FABP12: variants seen among roughly 807,000 people sequenced by gnomAD.
The protein encoded by FABP12 is fatty acid-binding protein 12.
FABP12 carries 19 observed loss-of-function variants against 13.7 expected under a neutral mutation model. The ratio of observed to expected loss-of-function variants is 1.39; its 90% CI spans 0.97 to 2.04. FABP12 has a LOEUF of 2.04. Among genes scored for constraint, FABP12 ranks in the 30% most tolerant of loss-of-function variants. The probability of loss-of-function intolerance (pLI) is 0.00; values close to 1 mark genes in which losing one functional copy is unlikely to be tolerated. For missense variants in FABP12, 182 were observed against 164.2 expected (o/e 1.11, Z -0.59); for synonymous variants, 61 against 57.0 (o/e 1.07, Z -0.32).
At chr8:81,542,700 A>G (rs1456434971) in intron 1 of FABP12, among the ~76,000 whole-genome samples, 1 of 152,182 alleles carries the variant, frequency 6.6e-6, no homozygotes, top group Non-Finnish European at 1.5e-5. Flanking sequence ...CCATTGGGTC[A>G]CTAATCCATA....
rs1808991482 is a variant in FABP12 at position 81,529,253 on chromosome 8, G to A, written c.246+185C>T. ...TTTTCAGGGCCTCTGGCAGTGAGCA[G>A]GAGGCATTTTTCACAAGCATCCCAG... On this transcript the variant is annotated intron_variant, in intron 3 of 4. Transcript: ENST00000360464. The A allele has an allele frequency of 9.4e-6, 6 of 640,764 alleles. No homozygotes were observed. The Admixed American group carries it at 1.7e-4, about 18-fold the overall frequency. The allele number at this position is 640,764 out of a possible 1,614,324, so 39.7% of individuals were successfully genotyped here.
At chr8:81,569,334 C>T (rs1350330023) in intron 1 of FABP12, among the ~76,000 whole-genome samples, 1 of 152,100 alleles carries the variant, frequency 6.6e-6, no homozygotes, top group Admixed American at 6.5e-5. Context: ...GCCATCAAAC[C>T]GGTTTTTCAC....
At chr8:81,544,067 G>A (rs1394608650) in intron 1 of FABP12, among the ~76,000 whole-genome samples, 2 of 152,134 alleles carry the variant, frequency 1.3e-5, no homozygotes, top group African/African-American at 4.8e-5. Flanking sequence ...GTTCACTCTA[G>A]GTTACAGTGT....
rs28429659 is a variant in FABP12 at position 81,571,268 on chromosome 8, C to A, written c.-185+18785G>T. Among the ~76,000 whole-genome samples the A allele has an allele frequency of 4.5e-3, 684 of 152,334 alleles. 7 individuals are homozygous for A. Among genetic ancestry groups the A allele is most frequent in the African/African-American group, 0.016 (655 of 41,586 alleles). Reference sequence around the variant, plus strand: ...GAGCCTGCAAGGGCAAGTGGGGGACCTTCCCAGGCCCCCAGGAGTGCAGAG... The same window carrying A: ...GAGCCTGCAAGGGCAAGTGGGGGACATTCCCAGGCCCCCAGGAGTGCAGAG... On this transcript the variant is annotated intron_variant, in intron 1 of 5. Transcript: ENST00000692030.
intron 2 of FABP12, among the ~76,000 whole-genome samples, chr8:81,530,753 ACATAAT>A (rs1809050535): frequency 6.6e-6 from 1 of 152,324 alleles, no homozygotes; most frequent in Non-Finnish European, 1.5e-5. Context: ...CAGATCTCAA[ACATAAT>A]CATAAATTTC....
intron 1 of FABP12, among the ~76,000 whole-genome samples, chr8:81,564,231 A>T (rs573533571): frequency 3.0e-4 from 46 of 152,328 alleles, no homozygotes; most frequent in Non-Finnish European, 5.9e-4. Flanking sequence ...AGACAAACAA[A>T]GGCTAAGGGA....
At chr8:81,539,888 C>A (rs767762964) in intron 1 of FABP12, among the ~76,000 whole-genome samples, 6 of 152,182 alleles carry the variant, frequency 3.9e-5, no homozygotes, top group Non-Finnish European at 7.3e-5. Context: ...TGAGCACTTG[C>A]CCCCAGGCTC....
intron 1 of FABP12, among the ~76,000 whole-genome samples, chr8:81,551,735 G>A (rs1010055128): frequency 6.6e-6 from 1 of 152,044 alleles, no homozygotes; most frequent in Non-Finnish European, 1.5e-5. Context: ...AATTCAACTA[G>A]ACTTAAACTA....
chr8:81,531,292 T>C (rs1277609386), exon 2 of FABP12: 2 of 1,604,706 alleles, frequency 1.2e-6, no homozygotes, highest in Non-Finnish European at 1.7e-6. Flanking sequence ...TGGACTTCCA[T>C]GTTCCTTGGA....
rs572743642 is a variant in FABP12 at position 81,570,146 on chromosome 8, G to C, written c.-185+19907C>G. Among the ~76,000 whole-genome samples, 21 of 152,336 alleles carry C rather than the reference G, an allele frequency of 1.4e-4. No homozygotes were observed. In the East Asian group the frequency reaches 4.0e-3, roughly 29 times the overall value. On this transcript the variant is annotated intron_variant, in intron 1 of 5. Transcript: ENST00000692030. ...AAACAGCTTCCCCAGCTGGCACCAGGGAATGTGGTGGTGCCCAGAAGCTTG... is the reference window on the plus strand; with the variant it reads ...AAACAGCTTCCCCAGCTGGCACCAGCGAATGTGGTGGTGCCCAGAAGCTTG...
At chr8:81,537,826 G>A (rs766411903), upstream of FABP12, among the ~76,000 whole-genome samples, 3 of 152,214 alleles carry the variant, frequency 2.0e-5, no homozygotes, top group Non-Finnish European at 4.4e-5. Context: ...TTCCAAGCAA[G>A]CAGTAACATG....
chr8:81,537,544 A>G (rs1283569057), upstream of FABP12, among the ~76,000 whole-genome samples: 1 of 152,224 alleles, frequency 6.6e-6, no homozygotes, highest in East Asian at 1.9e-4. Context: ...GAAAATGGAG[A>G]AAGTTCACTA....
chr8:81,587,509 C>A (rs1008864322), intron 1 of FABP12, among the ~76,000 whole-genome samples: 1 of 151,612 alleles, frequency 6.6e-6, no homozygotes, highest in Non-Finnish European at 1.5e-5. Context: ...TATTTCACCT[C>A]CCTGGTTAGC....
intron 1 of FABP12, among the ~76,000 whole-genome samples, chr8:81,578,171 T>C (rs2130094621): frequency 6.6e-6 from 1 of 152,356 alleles, no homozygotes; most frequent in Admixed American, 6.5e-5. Flanking sequence ...ACCAGATGTT[T>C]CCTCAAATTT....
intron 3 of FABP12, among the ~76,000 whole-genome samples, chr8:81,527,385 A>G (rs1013273317): frequency 5.3e-5 from 8 of 152,062 alleles, no homozygotes; most frequent in Admixed American, 5.2e-4. Context: ...TTTTTGAGAC[A>G]GAGTTTTGCT....
intron 1 of FABP12, among the ~76,000 whole-genome samples, chr8:81,577,064 C>T (rs940483548): frequency 1.2e-4 from 18 of 152,264 alleles, no homozygotes; most frequent in African/African-American, 4.1e-4. Flanking sequence ...CAGTTTTCTA[C>T]TGATGATCCT....
At chr8:81,555,461 A>T (rs1222476504) in intron 1 of FABP12, among the ~76,000 whole-genome samples, 1 of 152,196 alleles carries the variant, frequency 6.6e-6, no homozygotes, top group African/African-American at 2.4e-5. Context: ...TTTGATTTTT[A>T]AAAAATTTAC....
At chr8:81,542,054 T>C (rs189040015) in intron 1 of FABP12, among the ~76,000 whole-genome samples, 17 of 152,156 alleles carry the variant, frequency 1.1e-4, no homozygotes, top group Admixed American at 2.6e-4. Flanking sequence ...CCAGACTTTC[T>C]TTACTTTTGT....
At chr8:81,538,934 C>T (rs11787357), upstream of FABP12, among the ~76,000 whole-genome samples, 79,708 of 151,968 alleles carry the variant, frequency 0.52, 23,444 homozygotes, top group Non-Finnish European at 0.65. Context: ...CTGCAACCTC[C>T]ACCTCCTGGG....
Sources: allele counts gnomAD v4.1 joint callset (sites outside exome capture counted in the v4.1 genomes callset), GRCh38; gene constraint gnomAD v4.1.1; transcripts MANE v1.5; gene names NCBI Gene and HGNC (gene_info 2026-07-23, HGNC 2026-07-21).